Variants in DLGAP4 observed in about 807,000 individuals in gnomAD.
The protein encoded by DLGAP4 is disks large-associated protein 4.
In DLGAP4, 18 loss-of-function variants were observed where a neutral mutation model predicts 86.9. The observed-to-expected ratio is 0.21, with a 90% CI of 0.14 to 0.31. The LOEUF (loss-of-function observed/expected upper bound fraction) is 0.31. Among genes scored for constraint, DLGAP4 ranks in the 10% least tolerant of loss-of-function variants. The pLI is 1.00. For synonymous variants in DLGAP4, 548 were observed against 574.3 expected, an observed-to-expected ratio of 0.95 and a Z score of 0.65; for missense variants, 1,085 against 1,362.6, an observed-to-expected ratio of 0.80 and a Z score of 3.21.
chr20:36,316,272 T>G (rs1229538305), intron 1 of DLGAP4, among the ~76,000 whole-genome samples: 2 of 150,710 alleles, frequency 1.3e-5, no homozygotes, highest in African/African-American at 4.9e-5. Flanking sequence ...ATGAGGCCAT[T>G]GCTGCCCCTG....
intron 7 of DLGAP4, among the ~76,000 whole-genome samples, chr20:36,455,299 C>G (rs1243513017): frequency 6.6e-6 from 1 of 152,052 alleles, no homozygotes; most frequent in Non-Finnish European, 1.5e-5. Flanking sequence ...TTCCTTCCCT[C>G]TCAGTTTCTG....
chr20:36,446,460 G>A (rs2033593831), intron 6 of DLGAP4, among the ~76,000 whole-genome samples: 1 of 152,184 alleles, frequency 6.6e-6, no homozygotes, highest in Non-Finnish European at 1.5e-5. Context: ...AATATCCTGA[G>A]ATATTCCAAC....
intron 7 of DLGAP4, among the ~76,000 whole-genome samples, chr20:36,494,170 A>C (rs888053700): frequency 2.0e-5 from 3 of 152,184 alleles, no homozygotes; most frequent in Non-Finnish European, 4.4e-5. Context: ...CAGGACTGGG[A>C]CATTTCAAAC....
At position 36,432,131 on chromosome 20, in the gene DLGAP4, C is replaced by T. The variant is rs779724500; in HGVS notation, c.414C>T (p.Arg138=). The change falls in exon 3 of 13, where the codon CGC becomes CGT. Residue 138 remains arginine, a synonymous_variant. Coordinates refer to ENST00000339266, the MANE Select transcript of DLGAP4 (RefSeq NM_001365621.2). This position sits in a 1 kb window ranked among gnomAD's most constrained non-coding sequence, Gnocchi z 6.5. ...EAKARGESPG[R]IRHLVHSVQR... ...AGGCCCGTGGTGAGAGCCCTGGCCG[C>T]ATCCGCCACCTGGTCCACTCAGTCC... is the stretch of plus-strand genomic sequence containing the variant. The T allele has an allele frequency of 1.2e-6, 2 of 1,614,218 alleles. No individual in the cohort carries two copies. Among genetic ancestry groups the T allele is most frequent in the South Asian group, 1.1e-5 (1 of 91,088 alleles).
At position 36,409,387 on chromosome 20, in the gene DLGAP4, T is replaced by A. The variant is rs565423006; in HGVS notation, c.-72-22259T>A. Among the ~76,000 whole-genome samples, 255 of 126,412 alleles carry A rather than the reference T, an allele frequency of 2.0e-3. 4 individuals carry two copies. The highest frequency in any genetic ancestry group is 3.1e-3 in the Admixed American group (34 of 11,044). The allele number at this position is 126,412 out of a possible 152,430, so 82.9% of individuals were successfully genotyped here. ...AGAACTTAAAGTAAAATAAAAAAAA[T>A]TTTTTTAAGACTTTTTTTTTTTAAC... On this transcript the variant is annotated intron_variant, in intron 2 of 12. Coordinates refer to ENST00000339266, the MANE Select transcript of DLGAP4 (RefSeq NM_001365621.2).
Position 36,436,114 on chromosome 20 carries a change from C to T in DLGAP4, c.1005C>T (p.Pro335=), listed in dbSNP as rs766213222. 2 of 1,553,678 alleles carry T rather than the reference C, an allele frequency of 1.3e-6. No individual in the cohort carries two copies. Among genetic ancestry groups the T allele is most frequent in the South Asian group, 2.4e-5 (2 of 83,804 alleles). Residue 335 remains proline (P), a synonymous_variant, in exon 4 of 13, where the codon CCC becomes CCT. Transcript: ENST00000339266. ...GTCCTGTGCCCCATCCCCAGGTGCC[C>T]GGCGGCGGCGGCGAGTGGAGCACCA... ...QGLAYHYLQV[P]GGGGEWSTTL... is the part of the protein sequence containing the mutation.
chr20:36,487,285 G>A (rs1368394444), intron 7 of DLGAP4, among the ~76,000 whole-genome samples: 2 of 152,194 alleles, frequency 1.3e-5, no homozygotes, highest in African/African-American at 4.8e-5. Flanking sequence ...TGGCACAGCT[G>A]CCTAGTGCAC....
At chr20:36,484,930 T>C (rs1404080227) in intron 7 of DLGAP4, among the ~76,000 whole-genome samples, 1 of 152,260 alleles carries the variant, frequency 6.6e-6, no homozygotes, top group Non-Finnish European at 1.5e-5. Context: ...TTTTTTCCAC[T>C]GACTGTTCCT....
chr20:36,518,471 A>G (rs1445375116), intron 10 of DLGAP4, among the ~76,000 whole-genome samples: 15 of 152,000 alleles, frequency 9.9e-5, no homozygotes, highest in Admixed American at 3.9e-4. Flanking sequence ...ATTGGAAGCT[A>G]ATTCATTTTT....
At chr20:36,336,711 G>T (rs1314127810) in intron 1 of DLGAP4, among the ~76,000 whole-genome samples, 1 of 152,212 alleles carries the variant, frequency 6.6e-6, no homozygotes, top group East Asian at 1.9e-4. Flanking sequence ...GGAGGGCCCA[G>T]AGGGCAGCCC....
chr20:36,315,097 ATG>A, intron 1 of DLGAP4, among the ~76,000 whole-genome samples: 1 of 100,340 alleles, frequency 1.0e-5, no homozygotes, highest in African/African-American at 4.0e-5. Context: ...GGTGTGTGTG[ATG>A]TGTGGTGTGT....
At chr20:36,402,802 G>C (rs1304883616) in intron 2 of DLGAP4, among the ~76,000 whole-genome samples, 1 of 152,090 alleles carries the variant, frequency 6.6e-6, no homozygotes, top group Non-Finnish European at 1.5e-5. Context: ...GTCACCCTCT[G>C]TTACTACCTT....
At chr20:36,386,953 C>T (rs767611046) in intron 2 of DLGAP4, among the ~76,000 whole-genome samples, 1 of 151,966 alleles carries the variant, frequency 6.6e-6, no homozygotes, top group Non-Finnish European at 1.5e-5. Context: ...TTCATTTTTT[C>T]TGCCGAATAG....
chr20:36,508,320 ACT>A (rs1161125804), intron 10 of DLGAP4: 4 of 151,390 alleles, frequency 2.6e-5, no homozygotes, highest in African/African-American at 7.3e-5. Flanking sequence ...TGTCTTGAAC[ACT>A]CTGTCTACTT....
At chr20:36,326,318 C>T (rs1157071884) in intron 1 of DLGAP4, among the ~76,000 whole-genome samples, 1 of 152,086 alleles carries the variant, frequency 6.6e-6, no homozygotes, top group Non-Finnish European at 1.5e-5. Context: ...TTTCTGCTAC[C>T]TTTAGAATTA....
intron 2 of DLGAP4, among the ~76,000 whole-genome samples, chr20:36,409,398 CTTTTTTTTTTTAACTCTTTT>C (rs1472119423): frequency 7.0e-6 from 1 of 142,424 alleles, no homozygotes; most frequent in East Asian, 2.0e-4. Context: ...TTTTTTAAGA[CTTTTTTTTTTTAACTCTTTT>C]TTTTTTTTTT....
chr20:36,463,686 GC>G (rs2034204940), intron 7 of DLGAP4, among the ~76,000 whole-genome samples: 1 of 152,224 alleles, frequency 6.6e-6, no homozygotes, highest in African/African-American at 2.4e-5. Flanking sequence ...TTAAGGGTGG[GC>G]CCTGCTTGGA....
chr20:36,387,075 G>T (rs145150634), intron 2 of DLGAP4, among the ~76,000 whole-genome samples: 2 of 152,268 alleles, frequency 1.3e-5, no homozygotes, highest in African/African-American at 4.8e-5. Flanking sequence ...CTGGAAGCAG[G>T]ATTTTCTGTG....
intron 2 of DLGAP4, among the ~76,000 whole-genome samples, chr20:36,386,105 C>A (rs2031586004): frequency 6.8e-6 from 1 of 147,922 alleles, no homozygotes; most frequent in South Asian, 2.1e-4. Flanking sequence ...GCTGGGATCA[C>A]TTAGGAGACA....
Sources: allele counts gnomAD v4.1 joint callset (sites outside exome capture counted in the v4.1 genomes callset), GRCh38; gene constraint gnomAD v4.1.1; non-coding constraint Gnocchi (gnomAD v3.1); transcripts MANE v1.5; gene names NCBI Gene and HGNC (gene_info 2026-07-23, HGNC 2026-07-21).